Variants in TRPM3 observed in about 807,000 individuals in gnomAD.
The protein encoded by TRPM3 is transient receptor potential cation channel subfamily M member 3, also known as long transient receptor potential channel 3.
In TRPM3, 77 loss-of-function variants were observed where a neutral mutation model predicts 181.2. The ratio of observed to expected loss-of-function variants is 0.42; its 90% CI spans 0.35 to 0.51. The LOEUF (loss-of-function observed/expected upper bound fraction) is 0.51, where lower values mean the gene tolerates loss of function less well. TRPM3 is among the 20% of genes least tolerant of loss of function. The probability of loss-of-function intolerance (pLI) is 0.01; values close to 1 mark genes in which losing one functional copy is unlikely to be tolerated. For synonymous variants in TRPM3, 745 were observed against 796.4 expected, an observed-to-expected ratio of 0.94 and a Z score of 1.09; for missense variants, 1,759 against 2,196.7, an observed-to-expected ratio of 0.80 and a Z score of 3.98.
intron 5 of TRPM3, among the ~76,000 whole-genome samples, chr9:70,841,627 T>TATAG (rs2094641027): frequency 2.7e-5 from 1 of 37,390 alleles, no homozygotes; most frequent in Non-Finnish European, 4.6e-5. Flanking sequence ...TATCCCACTA[T>TATAG]ATATATATAT....
intron 22 of TRPM3, among the ~76,000 whole-genome samples, chr9:70,562,918 C>T (rs1378610857): frequency 1.3e-5 from 2 of 151,420 alleles, no homozygotes; most frequent in African/African-American, 4.9e-5. Context: ...TTAACAGCCC[C>T]AATTTCTCTC....
chr9:70,809,308 AT>A (rs1409424019), intron 6 of TRPM3, among the ~76,000 whole-genome samples: 2 of 152,250 alleles, frequency 1.3e-5, no homozygotes, highest in African/African-American at 4.8e-5. Context: ...TAAATTTAGT[AT>A]AGCCTAATTA....
At chr9:71,260,192 G>T (rs1478834830) in intron 1 of TRPM3, among the ~76,000 whole-genome samples, 1 of 152,132 alleles carries the variant, frequency 6.6e-6, no homozygotes, top group African/African-American at 2.4e-5. Flanking sequence ...GATTGTTGTA[G>T]ATGTATGGTG....
chr9:71,210,513 G>A (rs746411844), intron 1 of TRPM3, among the ~76,000 whole-genome samples: 1 of 152,014 alleles, frequency 6.6e-6, no homozygotes, highest in Non-Finnish European at 1.5e-5. Context: ...CACTGCCCTG[G>A]AGCATTTCTC....
At chr9:70,667,413 G>A (rs10113906) in intron 9 of TRPM3, among the ~76,000 whole-genome samples, 13,280 of 152,148 alleles carry the variant, frequency 0.087, 705 homozygotes, top group South Asian at 0.15. Context: ...ACCAAGTTGG[G>A]GAAGAGGGCT....
intron 1 of TRPM3, among the ~76,000 whole-genome samples, chr9:71,207,033 G>T (rs2079166750): frequency 1.3e-5 from 2 of 151,970 alleles, no homozygotes; most frequent in South Asian, 2.1e-4. Flanking sequence ...GGAGATGAAG[G>T]CATAGCTTCC....
chr9:71,007,245 C>T (rs901383570), intron 1 of TRPM3, among the ~76,000 whole-genome samples: 1 of 151,912 alleles, frequency 6.6e-6, no homozygotes, highest in Non-Finnish European at 1.5e-5. Context: ...GAGAGATTGA[C>T]TATAAAACAC....
At position 70,829,822 on chromosome 9, in the gene TRPM3, G is replaced by A. The variant is rs564181501; in HGVS notation, c.802-1804C>T. ...GGTTTGCTAATCCCATCCTGAGCTTGTTATCACTGGAAGAGTAGGTTGCTT... is the reference window on the plus strand; with the variant it reads ...GGTTTGCTAATCCCATCCTGAGCTTATTATCACTGGAAGAGTAGGTTGCTT... On this transcript the variant is annotated intron_variant, in intron 5 of 25. Transcript: ENST00000677713. Among the ~76,000 whole-genome samples the A allele has an allele frequency of 2.6e-5, 4 of 152,216 alleles. No individual in the cohort carries two copies. In the South Asian group the frequency reaches 8.3e-4, roughly 32 times the overall value.
chr9:70,744,081 T>A (rs1194573556), intron 8 of TRPM3, among the ~76,000 whole-genome samples: 1 of 151,820 alleles, frequency 6.6e-6, no homozygotes, highest in African/African-American at 2.4e-5. Flanking sequence ...TAATCCCAGC[T>A]CTTTGGGAGG....
At chr9:71,125,476 C>T (rs1016327123), upstream of TRPM3, among the ~76,000 whole-genome samples, 4 of 152,146 alleles carry the variant, frequency 2.6e-5, no homozygotes, top group African/African-American at 7.2e-5. Context: ...TGTCAGTTCG[C>T]TGAGGATAAT....
At chr9:71,175,529 G>A (rs543087568) in intron 1 of TRPM3, among the ~76,000 whole-genome samples, 51 of 152,302 alleles carry the variant, frequency 3.3e-4, no homozygotes, top group African/African-American at 1.2e-3. Flanking sequence ...GTGAAGGCAG[G>A]CTAGAGTGAT....
intron 1 of TRPM3, among the ~76,000 whole-genome samples, chr9:71,340,839 G>A (rs1413793737): frequency 4.6e-5 from 7 of 152,070 alleles, no homozygotes; most frequent in African/African-American, 1.7e-4. Flanking sequence ...AGGGCTCCTT[G>A]TAGAAGTGGT....
At chr9:70,869,220 C>T (rs1028090200) in intron 1 of TRPM3, among the ~76,000 whole-genome samples, 1 of 151,950 alleles carries the variant, frequency 6.6e-6, no homozygotes, top group African/African-American at 2.4e-5. Context: ...CTAAGAATCC[C>T]ATGGACATTC....
intron 21 of TRPM3, among the ~76,000 whole-genome samples, chr9:70,597,418 T>C (rs541043069): frequency 4.6e-5 from 7 of 152,210 alleles, no homozygotes; most frequent in African/African-American, 1.7e-4. Context: ...GTAGGACAGA[T>C]GTACTTAGCT....
intron 1 of TRPM3, among the ~76,000 whole-genome samples, chr9:71,385,696 T>C (rs1463601752): frequency 6.6e-6 from 1 of 152,136 alleles, no homozygotes. Flanking sequence ...AGTCTTGGAA[T>C]ATTTTATTTT....
chr9:71,316,268 C>T (rs1357514078), intron 1 of TRPM3, among the ~76,000 whole-genome samples: 1 of 152,056 alleles, frequency 6.6e-6, no homozygotes, highest in Non-Finnish European at 1.5e-5. Context: ...AAGACCATAC[C>T]AACAGACACG....
chr9:70,535,766 G>A lies in TRPM3; in HGVS notation c.*187C>T. On this transcript the variant is annotated 3_prime_UTR_variant, in exon 26 of 26. Transcript: ENST00000677713. ...CTTAAATCCCCTGTGTCTGGCACTG[G>A]GTCAGATCAAATGCTTTCTTGATCT... 4 of 1,469,470 alleles carry A rather than the reference G, an allele frequency of 2.7e-6. No homozygotes were observed. Among genetic ancestry groups the A allele is most frequent in the Non-Finnish European group, 3.6e-6 (4 of 1,119,268 alleles). The allele number at this position is 1,469,470 out of a possible 1,614,324, so 91.0% of individuals were successfully genotyped here.
chr9:70,980,786 T>C (rs1431481907), intron 1 of TRPM3, among the ~76,000 whole-genome samples: 1 of 152,210 alleles, frequency 6.6e-6, no homozygotes, highest in Admixed American at 6.5e-5. Flanking sequence ...ATTCTTTAAA[T>C]GTGGGAACCC....
chr9:70,921,947 ACACACAC>A (rs2096660759), intron 1 of TRPM3, among the ~76,000 whole-genome samples: 2 of 150,220 alleles, frequency 1.3e-5, no homozygotes, highest in South Asian at 2.1e-4. Flanking sequence ...AAACAAACAC[ACACACAC>A]ACACACACAC....
Sources: gnomAD v4.1 joint callset for allele counts (sites outside exome capture counted in the v4.1 genomes callset) on GRCh38, gnomAD v4.1.1 for gene constraint, MANE v1.5 for transcripts, NCBI Gene and HGNC (gene_info 2026-07-23, HGNC 2026-07-21) for gene names.